Variants in WDR17 observed in about 807,000 individuals in gnomAD.
WDR17 encodes WD repeat domain 17, also known as WD repeat-containing protein 17.
A neutral mutation model predicts 161.7 loss-of-function variants in WDR17; 143 were observed. The ratio of observed to expected loss-of-function variants is 0.88; its 90% CI spans 0.77 to 1.02. The LOEUF (loss-of-function observed/expected upper bound fraction) is 1.02. WDR17 is among the 50% of genes least tolerant of loss of function. The pLI is 0.00. For synonymous variants in WDR17, 517 were observed against 515.6 expected (o/e 1.00, Z -0.04); for missense variants, 1,469 against 1,520.9 (o/e 0.97, Z 0.57).
intron 6 of WDR17, among the ~76,000 whole-genome samples, chr4:176,129,113 T>G (rs1742957656): frequency 2.0e-5 from 3 of 152,226 alleles, no homozygotes; most frequent in Non-Finnish European, 4.4e-5. Context: ...TCAGATTATC[T>G]ACATGGAAAA....
At chr4:176,171,920 T>A (rs904416440) in intron 23 of WDR17, among the ~76,000 whole-genome samples, 2 of 152,216 alleles carry the variant, frequency 1.3e-5, no homozygotes, top group African/African-American at 4.8e-5. Context: ...ATAAGGTTGC[T>A]TTGTTTCAAA....
chr4:176,162,258 T>TGTG, intron 21 of WDR17, 84 bp downstream of exon 21: 1 of 1,228,584 alleles, frequency 8.1e-7, no homozygotes, highest in Non-Finnish European at 1.2e-6. Context: ...ATGGTGACTT[T>TGTG]CTATGTGAGA....
intron 22 of WDR17, among the ~76,000 whole-genome samples, chr4:176,167,603 C>G (rs1358866848): frequency 5.6e-4 from 74 of 132,838 alleles, no homozygotes; most frequent in Non-Finnish European, 1.2e-4. Context: ...GCCGAGATTG[C>G]GCCACTGCAC....
At chr4:176,147,567 C>T (rs1429420711) in intron 12 of WDR17, among the ~76,000 whole-genome samples, 2 of 152,122 alleles carry the variant, frequency 1.3e-5, no homozygotes, top group Non-Finnish European at 2.9e-5. Flanking sequence ...TAATACCCAT[C>T]ATCATACATG....
intron 28 of WDR17, among the ~76,000 whole-genome samples, chr4:176,178,825 TTG>T (rs760542624): frequency 1.3e-5 from 2 of 152,226 alleles, no homozygotes; most frequent in Non-Finnish European, 2.9e-5. Context: ...GTATTGCATC[TTG>T]TGTTTTTGAA....
At chr4:176,127,949 T>C (rs991667444) in intron 5 of WDR17, among the ~76,000 whole-genome samples, 2 of 152,260 alleles carry the variant, frequency 1.3e-5, no homozygotes, top group African/African-American at 4.8e-5. Context: ...CATAGAGTTT[T>C]CAAGGTTCAT....
At chr4:176,089,686 C>CT (rs1191528030) in intron 1 of WDR17, among the ~76,000 whole-genome samples, 2 of 151,964 alleles carry the variant, frequency 1.3e-5, no homozygotes, top group African/African-American at 4.8e-5. Context: ...AGTGAGAGAG[C>CT]TTTTTTTGCA....
At chr4:176,121,988 T>C (rs971940669) in intron 4 of WDR17, among the ~76,000 whole-genome samples, 5 of 152,198 alleles carry the variant, frequency 3.3e-5, no homozygotes, top group Non-Finnish European at 7.3e-5. Flanking sequence ...ATATATTAGT[T>C]TATTAGGGCT....
rs1746843257 is a variant in WDR17, at chr4:176,149,955, T to C, written c.2046T>C (p.Thr682=). The part of the protein sequence containing the change: ...DRSWEEIIGN[T]DYAIEPGTPP... ...CTTGGGAAGAAATTATTGGGAACAC[T>C]GGTATGGAACATATACATGTATTAG... is the stretch of plus-strand genomic sequence containing the variant. The change falls in exon 14 of 29, where the codon ACT becomes ACC. Residue 682 remains threonine, a splice_region_variant and synonymous_variant. Coordinates refer to ENST00000508596, the MANE Select transcript of WDR17 (RefSeq NM_181265.4). The C allele has an allele frequency of 6.2e-7, 1 of 1,612,152 alleles. No homozygotes were observed. The highest frequency in any genetic ancestry group is 1.3e-5 in the African/African-American group (1 of 74,912).
In WDR17 at chr4:176,172,436, A is replaced by G. The variant is rs1353547822; in HGVS notation, c.3164A>G (p.Asn1055Ser). 3 of 1,612,472 alleles carry G rather than the reference A, an allele frequency of 1.9e-6. No homozygotes were observed. The African/African-American group carries it at 4.0e-5, about 22-fold the overall frequency. Residue 1055 changes from asparagine (N) to serine (S), a missense_variant, in exon 24 of 29, where the codon AAT becomes AGT. Asn to Ser is a conservative substitution (Grantham distance 46). Coordinates refer to ENST00000508596, the MANE Select transcript of WDR17 (RefSeq NM_181265.4). ...GCTGAGACAGCCCGTGCAGATGACA[A>G]TATATTTGAAACTGTAAAATATTAC... ...QLAETARADDNIFETVKYYLL... is the reference protein window; with the variant it reads ...QLAETARADDSIFETVKYYLL...
chr4:176,110,510 T>C (rs1357473219), intron 1 of WDR17, among the ~76,000 whole-genome samples: 2 of 152,174 alleles, frequency 1.3e-5, no homozygotes, highest in African/African-American at 2.4e-5. Flanking sequence ...AAGGCATTTT[T>C]TGTCAATAAT....
chr4:176,181,402 G>A lies in WDR17; in HGVS notation c.*1823G>A, dbSNP rs777981973. On this transcript the variant is annotated 3_prime_UTR_variant, in exon 29 of 29. Transcript: ENST00000508596. ...GAATCGCTTGAATCCAGGAGGCGGA[G>A]GTTGCAGTGAGCTGAGATCGCACTA... 3.9e-5 allele frequency: 7 copies of A among 180,854 alleles called. No individual in the cohort carries two copies. Among genetic ancestry groups the A allele is most frequent in the Non-Finnish European group, 7.8e-5 (7 of 89,964 alleles). The allele number at this position is 180,854 out of a possible 1,614,324, so 11.2% of individuals were successfully genotyped here.
At chr4:176,074,898 C>G (rs62339391) in intron 1 of WDR17, among the ~76,000 whole-genome samples, 75,590 of 143,386 alleles carry the variant, frequency 0.53, 20,978 homozygotes, top group South Asian at 0.63. Context: ...GTAAATTGTG[C>G]AGTGATTACT....
At position 176,136,689 on chromosome 4, in the gene WDR17, CTG is replaced by C. The variant is rs59564837; in HGVS notation, c.1268-829_1268-828del. 8.6e-3 allele frequency among the ~76,000 whole-genome samples: 1,297 copies of C among 151,508 alleles called. 28 individuals are homozygous for C. The highest frequency in any genetic ancestry group is 0.029 in the African/African-American group (1,202 of 41,426). On this transcript the variant is annotated intron_variant, in intron 8 of 28. Coordinates refer to ENST00000508596, the MANE Select transcript of WDR17 (RefSeq NM_181265.4). Reference sequence around the variant, plus strand: ...GATATAGATAATTACATAATTTCCTCTGTATCTTAGTGTAGATACCAGACGAA... The same window carrying C: ...GATATAGATAATTACATAATTTCCTCTATCTTAGTGTAGATACCAGACGAA...
intron 11 of WDR17, among the ~76,000 whole-genome samples, chr4:176,144,659 C>CT (rs1375861304): frequency 3.3e-5 from 5 of 152,248 alleles, no homozygotes; most frequent in African/African-American, 9.6e-5. Context: ...ATTATGCTTA[C>CT]TACCAAGCAT....
chr4:176,161,508 T>A (rs1432734536), intron 20 of WDR17, among the ~76,000 whole-genome samples: 1 of 152,192 alleles, frequency 6.6e-6, no homozygotes. Context: ...AACCTTTTTT[T>A]AATCCAGTAG....
chr4:176,120,287 T>TA (rs1452217349), intron 4 of WDR17, among the ~76,000 whole-genome samples, 190 bp downstream of exon 4: 108 of 80,288 alleles, frequency 1.3e-3, no homozygotes, highest in African/African-American at 4.6e-3. Flanking sequence ...CATTTGAAGT[T>TA]TTATATATAT....
At position 176,181,686 on chromosome 4, in the gene WDR17, T is replaced by G. The variant is rs4536876; in HGVS notation, c.*2107T>G. 1 of 152,704 alleles carries G rather than the reference T, an allele frequency of 6.5e-6. No homozygotes were observed. Among genetic ancestry groups the G allele is most frequent in the African/African-American group, 2.4e-5 (1 of 41,310 alleles). The allele number at this position is 152,704 out of a possible 1,614,324, so 9.5% of individuals were successfully genotyped here. On this transcript the variant is annotated 3_prime_UTR_variant, in exon 29 of 29. Coordinates refer to ENST00000508596, the MANE Select transcript of WDR17 (RefSeq NM_181265.4). Reference sequence around the variant, plus strand: ...ATGGCAGTCTCAATCCTACTGTCATTCTTTTTATTTTAAAATAAATAAATA... The same window carrying G: ...ATGGCAGTCTCAATCCTACTGTCATGCTTTTTATTTTAAAATAAATAAATA...
intron 1 of WDR17, among the ~76,000 whole-genome samples, chr4:176,091,278 T>A (rs1431551889): frequency 6.6e-6 from 1 of 152,066 alleles, no homozygotes; most frequent in African/African-American, 2.4e-5. Context: ...TTCAAAAGAG[T>A]TGAAATCATA....
Sources: allele counts gnomAD v4.1 joint callset (sites outside exome capture counted in the v4.1 genomes callset), GRCh38; gene constraint gnomAD v4.1.1; transcripts MANE v1.5; gene names NCBI Gene and HGNC (gene_info 2026-07-23, HGNC 2026-07-21).